Variants in PRKCA observed in about 807,000 individuals in gnomAD.
PRKCA encodes the protein protein kinase C alpha.
A neutral mutation model predicts 87.0 loss-of-function variants in PRKCA; 27 were observed. The ratio of observed to expected loss-of-function variants is 0.31; its 90% confidence interval spans 0.23 to 0.43. PRKCA has a LOEUF of 0.43. Ranked by LOEUF, PRKCA falls within the 20% of genes least tolerant of loss-of-function variation. PRKCA has a pLI of 1.00. For synonymous variants in PRKCA, 329 were observed against 311.1 expected (o/e 1.06, Z -0.61); for missense variants, 518 against 852.3 (o/e 0.61, Z 4.88).
intron 3 of PRKCA, among the ~76,000 whole-genome samples, chr17:66,540,256 A>C (rs1967936046): frequency 6.6e-6 from 1 of 152,250 alleles, no homozygotes. Flanking sequence ...TCCAGCCGTC[A>C]GAGCCAGCCC....
chr17:66,687,318 C>T (rs758473789), intron 6 of PRKCA, 51 bp downstream of exon 6: 1 of 1,547,190 alleles, frequency 6.5e-7, no homozygotes, highest in African/African-American at 1.4e-5. Context: ...CATGCAGTTG[C>T]CCACCTCATT....
chr17:66,559,883 G>T (rs754738199), intron 3 of PRKCA, among the ~76,000 whole-genome samples: 1 of 152,124 alleles, frequency 6.6e-6, no homozygotes, highest in Non-Finnish European at 1.5e-5. Flanking sequence ...AGTTCTGGCC[G>T]CTGGGGCAGA....
At chr17:66,495,180 A>T (rs2248274) in intron 2 of PRKCA, among the ~76,000 whole-genome samples, 3 of 152,176 alleles carry the variant, frequency 2.0e-5, no homozygotes, top group Non-Finnish European at 4.4e-5. Context: ...CTATTTATCA[A>T]AACCATGTTA....
intron 2 of PRKCA, among the ~76,000 whole-genome samples, chr17:66,313,065 T>C (rs1164102883): frequency 6.6e-6 from 1 of 152,136 alleles, no homozygotes; most frequent in African/African-American, 2.4e-5. Flanking sequence ...CTTCACACTG[T>C]ATCACCTCTC....
chr17:66,631,421 C>T (rs1971007543), intron 3 of PRKCA, among the ~76,000 whole-genome samples: 1 of 152,038 alleles, frequency 6.6e-6, no homozygotes, highest in South Asian at 2.1e-4. Flanking sequence ...ATTACTGTTA[C>T]TTTAGAGACA....
At chr17:66,304,095 C>T (rs988341367) in intron 1 of PRKCA, among the ~76,000 whole-genome samples, 2 of 152,110 alleles carry the variant, frequency 1.3e-5, no homozygotes, top group Admixed American at 1.3e-4. Flanking sequence ...AATATAAGGG[C>T]CAGAGGTCAG....
At chr17:66,321,575 G>T (rs1381062982) in intron 2 of PRKCA, among the ~76,000 whole-genome samples, 1 of 152,028 alleles carries the variant, frequency 6.6e-6, no homozygotes, top group Non-Finnish European at 1.5e-5. Flanking sequence ...AGACAGCCTT[G>T]CTCTGTCGTC....
chr17:66,786,905 G>A lies in PRKCA; in HGVS notation c.1644G>A (p.Gln548=). ...GTGAAGATGAAGACGAGCTATTTCA[G>A]TCTATCATGGAGCACAACGTTTCCT... ...FDGEDEDELF[Q]SIMEHNVSYP... Residue 548 remains glutamine, a synonymous_variant, in exon 15 of 17, where the codon CAG becomes CAA. Coordinates refer to ENST00000413366, the MANE Select transcript of PRKCA (RefSeq NM_002737.3). The A allele has an allele frequency of 1.2e-6, 2 of 1,614,164 alleles. No individual in the cohort carries two copies. Among genetic ancestry groups the A allele is most frequent in the Non-Finnish European group, 1.7e-6 (2 of 1,180,010 alleles).
At chr17:66,379,987 GCT>G (rs1297101618) in intron 2 of PRKCA, among the ~76,000 whole-genome samples, 1 of 152,050 alleles carries the variant, frequency 6.6e-6, no homozygotes, top group Non-Finnish European at 1.5e-5. Flanking sequence ...GTGATACTCA[GCT>G]CTGTCCTGTC....
intron 2 of PRKCA, among the ~76,000 whole-genome samples, chr17:66,373,399 G>T (rs1208470912): frequency 6.6e-6 from 1 of 152,186 alleles, no homozygotes; most frequent in Non-Finnish European, 1.5e-5. Flanking sequence ...AGGTCGTACA[G>T]CCTGTAAATG....
chr17:66,747,836 C>T (rs7215993), intron 13 of PRKCA, among the ~76,000 whole-genome samples: 2,369 of 152,304 alleles, frequency 0.016, 23 homozygotes, highest in South Asian at 0.022. Flanking sequence ...TCCAGCCACA[C>T]GCAAGCCCCT....
Position 66,311,756 on chromosome 17 carries a change from CT to C in PRKCA, c.205+5631del, listed in dbSNP as rs562201109. 2.8e-3 allele frequency among the ~76,000 whole-genome samples: 425 copies of C among 152,280 alleles called. 6 individuals are homozygous for C. Among genetic ancestry groups the C allele is most frequent in the African/African-American group, 9.8e-3 (406 of 41,554 alleles). On this transcript the variant is annotated intron_variant, in intron 2 of 16. Transcript: ENST00000413366. ...GAGTGTTCCCATTTGGTGCTATATA[CT>C]TGTTATAAAATGATTTCTGATTAAT... is the stretch of plus-strand genomic sequence containing the variant.
chr17:66,624,649 A>C (rs1970793615), intron 3 of PRKCA, among the ~76,000 whole-genome samples: 2 of 152,044 alleles, frequency 1.3e-5, no homozygotes, highest in South Asian at 4.2e-4. Flanking sequence ...AAAAATACAA[A>C]AAATTAGCCA....
chr17:66,607,874 G>A (rs1970254449), intron 3 of PRKCA, among the ~76,000 whole-genome samples: 1 of 152,220 alleles, frequency 6.6e-6, no homozygotes, highest in Non-Finnish European at 1.5e-5. Flanking sequence ...TCAGTAAAAA[G>A]AGGTTAAAAG....
intron 2 of PRKCA, among the ~76,000 whole-genome samples, chr17:66,477,226 A>G (rs1177427451): frequency 6.6e-6 from 1 of 152,214 alleles, no homozygotes; most frequent in Non-Finnish European, 1.5e-5. Flanking sequence ...AGAAACTTCA[A>G]AAGGAATAAA....
At chr17:66,357,580 G>A (rs917128788) in intron 2 of PRKCA, among the ~76,000 whole-genome samples, 15 of 152,298 alleles carry the variant, frequency 9.8e-5, no homozygotes, top group African/African-American at 2.2e-4. Context: ...GAATACTGGC[G>A]CTACTTGTTA....
At chr17:66,477,094 G>A (rs371613400) in intron 2 of PRKCA, among the ~76,000 whole-genome samples, 1 of 152,110 alleles carries the variant, frequency 6.6e-6, no homozygotes, top group African/African-American at 2.4e-5. Flanking sequence ...CTACCAGGAC[G>A]AGGGGCTTCA....
intron 5 of PRKCA, among the ~76,000 whole-genome samples, chr17:66,666,871 G>A (rs1240195229): frequency 6.6e-6 from 1 of 151,988 alleles, no homozygotes; most frequent in Non-Finnish European, 1.5e-5. Context: ...CCAGGACAAA[G>A]GACTATATGA....
chr17:66,475,648 A>G (rs1915507140), intron 2 of PRKCA, among the ~76,000 whole-genome samples: 1 of 152,240 alleles, frequency 6.6e-6, no homozygotes, highest in South Asian at 2.1e-4. Context: ...TCCTAAACCA[A>G]TCCCCCTGTC....
Sources: allele counts gnomAD v4.1 joint callset (sites outside exome capture counted in the v4.1 genomes callset), GRCh38; gene constraint gnomAD v4.1.1; transcripts MANE v1.5; gene names NCBI Gene and HGNC (gene_info 2026-07-23, HGNC 2026-07-21).